Variants in LRRK2 observed in about 807,000 individuals in gnomAD.
LRRK2 encodes leucine rich repeat kinase 2.
A neutral mutation model predicts 302.6 loss-of-function variants in LRRK2; 203 were observed. The observed-to-expected ratio is 0.67, with a 90% confidence interval of 0.60 to 0.75. LRRK2 has a LOEUF of 0.75. LRRK2 is among the 30% of genes least tolerant of loss of function. The probability of loss-of-function intolerance (pLI) is 0.00; values close to 1 mark genes in which losing one functional copy is unlikely to be tolerated. For synonymous variants in LRRK2, 1,066 were observed against 1,031.9 expected, an observed-to-expected ratio of 1.03 and a Z score of -0.63; for missense variants, 2,830 against 2,951.0, an observed-to-expected ratio of 0.96 and a Z score of 0.95.
intron 8 of LRRK2, 92 bp from the exon 9 acceptor site, chr12:40,251,140 G>C (rs925827122): frequency 1.2e-6 from 1 of 845,658 alleles, no homozygotes; most frequent in Non-Finnish European, 1.8e-6. Flanking sequence ...TCATTCTGTT[G>C]GTAATATTTC....
At chr12:40,321,453 A>G (rs1592285533) in intron 35 of LRRK2, among the ~76,000 whole-genome samples, 1 of 152,114 alleles carries the variant, frequency 6.6e-6, no homozygotes, top group East Asian at 1.9e-4. Flanking sequence ...GACTGTGATT[A>G]CATTGTAGGG....
At chr12:40,336,364 T>C (rs1048932298) in intron 40 of LRRK2, among the ~76,000 whole-genome samples, 1 of 152,238 alleles carries the variant, frequency 6.6e-6, no homozygotes. Flanking sequence ...GGACTATTGC[T>C]GCCTAGGATT....
At chr12:40,265,732 C>T (rs11175784) in intron 14 of LRRK2, among the ~76,000 whole-genome samples, 61,986 of 151,930 alleles carry the variant, frequency 0.41, 13,090 homozygotes, top group South Asian at 0.54. Context: ...ATGCTCCCCA[C>T]GCTACCTGAC....
chr12:40,248,590 A>G (rs1250728211), intron 7 of LRRK2, among the ~76,000 whole-genome samples: 1 of 152,218 alleles, frequency 6.6e-6, no homozygotes, highest in Non-Finnish European at 1.5e-5. Context: ...CTTTTTCTTC[A>G]TAGTTAAAAT....
At chr12:40,230,304 G>A (rs775778499) in intron 2 of LRRK2, among the ~76,000 whole-genome samples, 18 of 152,088 alleles carry the variant, frequency 1.2e-4, no homozygotes, top group African/African-American at 1.7e-4. Context: ...TAAAATAGCC[G>A]TTGTTTACTC....
intron 8 of LRRK2, among the ~76,000 whole-genome samples, chr12:40,250,755 A>G (rs1942228294): frequency 6.6e-6 from 1 of 152,176 alleles, no homozygotes; most frequent in Non-Finnish European, 1.5e-5. Context: ...GAGAACACGC[A>G]GTGTGTGGTT....
chr12:40,331,751 A>G (rs187712968), intron 39 of LRRK2, among the ~76,000 whole-genome samples: 43 of 152,302 alleles, frequency 2.8e-4, no homozygotes, highest in African/African-American at 9.9e-4. Context: ...TCATAGATCA[A>G]TAACTTGCAG....
intron 8 of LRRK2, 30 bp downstream of exon 8, chr12:40,249,975 T>G (rs756115043): frequency 1.2e-6 from 2 of 1,611,980 alleles, no homozygotes; most frequent in South Asian, 1.1e-5. Flanking sequence ...AGGGGATTCT[T>G]ACAGAGGCAT....
chr12:40,323,911 A>G (rs1945474300), intron 38 of LRRK2, among the ~76,000 whole-genome samples: 2 of 151,652 alleles, frequency 1.3e-5, no homozygotes, highest in African/African-American at 2.4e-5. Flanking sequence ...TAGCATGTTT[A>G]GGTGCTCATT....
At chr12:40,300,790 T>C (rs1441248804) in intron 25 of LRRK2, 2 of 471,126 alleles carry the variant, frequency 4.2e-6, no homozygotes, top group East Asian at 1.4e-4. Context: ...TAATTTTATA[T>C]TGTGGTGCCT....
intron 40 of LRRK2, among the ~76,000 whole-genome samples, chr12:40,335,519 G>A (rs1945841601): frequency 6.6e-6 from 1 of 152,106 alleles, no homozygotes; most frequent in Non-Finnish European, 1.5e-5. Context: ...TACTTCTCAA[G>A]GGGACTAGAG....
intron 25 of LRRK2, among the ~76,000 whole-genome samples, chr12:40,299,505 G>C (rs550794341): frequency 1.3e-5 from 2 of 152,070 alleles, no homozygotes; most frequent in Admixed American, 6.6e-5. Flanking sequence ...CATACTATTC[G>C]TTCCCAACTA....
At chr12:40,277,867 T>A (rs1943526241) in intron 16 of LRRK2, 21 bp from the exon 17 acceptor site, 5 of 1,564,522 alleles carry the variant, frequency 3.2e-6, no homozygotes, top group Non-Finnish European at 4.3e-6. Flanking sequence ...TATTTTATTA[T>A]TTTTTTTCTT....
chr12:40,295,587 T>G lies in LRRK2; in HGVS notation c.3039T>G (p.Leu1013=), dbSNP rs964668314. The change falls in exon 23 of 51, where the codon CTT becomes CTG. Residue 1013 remains leucine (L), a synonymous_variant. Coordinates refer to ENST00000298910, the MANE Select transcript of LRRK2 (RefSeq NM_198578.4). ...KCCISVHLEH[L]EKLELHQNAL... is the part of the protein sequence containing the mutation. The stretch of plus-strand genomic sequence containing the variant: ...GTATAAGTGTTCATTTGGAGCATCT[T>G]GAAAAGCTGGAGCTTCACCAGAATG... 1.7e-5 allele frequency: 28 copies of G among 1,613,900 alleles called. No homozygotes were observed. In the East Asian group the frequency reaches 6.2e-4, roughly 36 times the overall value.
chr12:40,295,345 T>C (rs1335123200), intron 22 of LRRK2, 82 bp from the exon 23 acceptor site: 14 of 1,286,220 alleles, frequency 1.1e-5, no homozygotes, highest in Non-Finnish European at 1.4e-5. Flanking sequence ...GCCTGATTGC[T>C]AGGAGGTGCT....
chr12:40,225,154 G>A lies in LRRK2; in HGVS notation c.23G>A (p.Gly8Glu), dbSNP rs1052256144. 1.9e-6 allele frequency: 3 copies of A among 1,613,930 alleles called. No individual in the cohort carries two copies. The highest frequency in any genetic ancestry group is 1.3e-5 in the African/African-American group (1 of 74,926). MASGSCQ[G>E]CEEDEETLKK... ...ACCATGGCTAGTGGCAGCTGTCAGGGGTGCGAAGAGGACGAGGAAACTCTG... is the reference window on the plus strand; with the variant it reads ...ACCATGGCTAGTGGCAGCTGTCAGGAGTGCGAAGAGGACGAGGAAACTCTG... Residue 8 changes from glycine (G) to glutamate (E), a missense_variant, in exon 1 of 51, where the codon GGG (glycine) becomes GAG (glutamate). Transcript: ENST00000298910.
At position 40,335,089 on chromosome 12, in the gene LRRK2, G is replaced by A. The variant is rs1388543844; in HGVS notation, c.5880G>A (p.Gln1960=). Reference sequence around the variant, plus strand: ...AGGGTTCCTTGGATCGCCTGCTTCAGCAGGACAAAGCCAGCCTCACTAGAA... The same window carrying A: ...AGGGTTCCTTGGATCGCCTGCTTCAACAGGACAAAGCCAGCCTCACTAGAA... ...ASKGSLDRLL[Q]QDKASLTRTL... Residue 1960 remains glutamine, a synonymous_variant, in exon 40 of 51, where the codon CAG becomes CAA. Coordinates refer to ENST00000298910, the MANE Select transcript of LRRK2 (RefSeq NM_198578.4). 1 of 1,613,942 alleles carries A rather than the reference G, an allele frequency of 6.2e-7. No individual in the cohort carries two copies. Among genetic ancestry groups the A allele is most frequent in the South Asian group, 1.1e-5 (1 of 91,086 alleles).
chr12:40,366,847 G>A (rs1946893877), intron 49 of LRRK2, 159 bp from the exon 50 acceptor site: 4 of 569,072 alleles, frequency 7.0e-6, no homozygotes, highest in Non-Finnish European at 1.3e-5. Context: ...AAAAAATGCT[G>A]GTCTTTATTC....
At chr12:40,275,068 C>T in intron 16 of LRRK2, 75 bp downstream of exon 16, 3 of 1,511,178 alleles carry the variant, frequency 2.0e-6, no homozygotes, top group Non-Finnish European at 2.8e-6. Flanking sequence ...GTAATTCCCA[C>T]TTTGCATGAA....
Sources: allele counts gnomAD v4.1 joint callset (sites outside exome capture counted in the v4.1 genomes callset), GRCh38; gene constraint gnomAD v4.1.1; transcripts MANE v1.5; gene names NCBI Gene and HGNC (gene_info 2026-07-23, HGNC 2026-07-21).